The following MARCHF3 variants were observed in gnomAD, a reference collection of about 807,000 sequenced individuals.
The protein encoded by MARCHF3 is membrane associated ring-CH-type finger 3, also known as E3 ubiquitin-protein ligase MARCHF3.
MARCHF3 carries 13 observed loss-of-function variants against 24.2 expected under a neutral mutation model. The ratio of observed to expected loss-of-function variants is 0.54; its 90% CI spans 0.35 to 0.85. The LOEUF (loss-of-function observed/expected upper bound fraction) is 0.85. Among genes scored for constraint, MARCHF3 ranks in the 40% least tolerant of loss-of-function variants. The probability of loss-of-function intolerance (pLI) is 0.01; values close to 1 mark genes in which losing one functional copy is unlikely to be tolerated. For missense variants in MARCHF3, 276 were observed against 325.0 expected (o/e 0.85, Z 1.16); for synonymous variants, 144 against 137.3 (o/e 1.05, Z -0.34).
At chr5:126,983,386 T>C (rs138244829) in intron 1 of MARCHF3, among the ~76,000 whole-genome samples, 19 of 152,310 alleles carry the variant, frequency 1.2e-4, no homozygotes, top group South Asian at 4.1e-4. Flanking sequence ...CAGGCTTTCC[T>C]GAGTCTTTGA....
chr5:126,891,321 T>C (rs1224818715), intron 3 of MARCHF3, among the ~76,000 whole-genome samples: 2 of 141,310 alleles, frequency 1.4e-5, no homozygotes, highest in Non-Finnish European at 3.1e-5. Flanking sequence ...TTTTGGCTTT[T>C]GTTGCCATTG....
At chr5:127,018,146 A>G (rs1287885630) in intron 1 of MARCHF3, among the ~76,000 whole-genome samples, 2 of 152,186 alleles carry the variant, frequency 1.3e-5, no homozygotes, top group Admixed American at 1.3e-4. Context: ...CAAGGCGGGC[A>G]GATCACCTGA....
intron 1 of MARCHF3, among the ~76,000 whole-genome samples, chr5:126,989,913 C>G (rs1026800337): frequency 4.6e-5 from 7 of 152,132 alleles, no homozygotes; most frequent in African/African-American, 1.7e-4. Context: ...CACCTGAAGT[C>G]AGGAGTTTGA....
chr5:126,926,578 A>G (rs56786115), intron 1 of MARCHF3, among the ~76,000 whole-genome samples: 13,974 of 152,014 alleles, frequency 0.092, 1,424 homozygotes, highest in African/African-American at 0.25. Context: ...TTTCATGTAT[A>G]CTCTACAGAA....
At chr5:126,894,951 C>G (rs1054384485) in intron 3 of MARCHF3, among the ~76,000 whole-genome samples, 3 of 152,064 alleles carry the variant, frequency 2.0e-5, no homozygotes, top group African/African-American at 2.4e-5. Flanking sequence ...GTACACCAAT[C>G]AGATGTAGAT....
intron 1 of MARCHF3, among the ~76,000 whole-genome samples, chr5:126,933,276 A>G (rs562578300): frequency 1.3e-5 from 2 of 152,278 alleles, no homozygotes; most frequent in East Asian, 3.9e-4. Flanking sequence ...AAATACAACC[A>G]AAGCTAATCC....
chr5:126,971,095 T>C (rs975360659), intron 1 of MARCHF3, among the ~76,000 whole-genome samples: 4 of 152,182 alleles, frequency 2.6e-5, no homozygotes, highest in African/African-American at 9.7e-5. Flanking sequence ...ATTTATGTTC[T>C]TATAGCCATA....
chr5:126,958,777 T>G (rs1328615745), intron 1 of MARCHF3, among the ~76,000 whole-genome samples: 2 of 152,158 alleles, frequency 1.3e-5, no homozygotes, highest in African/African-American at 4.8e-5. Flanking sequence ...TGACTGATTT[T>G]TAAGTGTAAT....
intron 1 of MARCHF3, among the ~76,000 whole-genome samples, chr5:126,957,529 A>C (rs1750490104): frequency 6.6e-6 from 1 of 152,142 alleles, no homozygotes; most frequent in Admixed American, 6.5e-5. Context: ...TGATGTTAAA[A>C]AGTAACTTTC....
At chr5:126,906,762 A>T (rs1469191756) in intron 3 of MARCHF3, among the ~76,000 whole-genome samples, 2 of 152,128 alleles carry the variant, frequency 1.3e-5, no homozygotes, top group African/African-American at 4.8e-5. Flanking sequence ...TCCTTTCAAA[A>T]AACCAGCTCC....
chr5:126,990,188 C>A, intron 1 of MARCHF3, among the ~76,000 whole-genome samples: 1 of 150,142 alleles, frequency 6.7e-6, no homozygotes, highest in Non-Finnish European at 1.5e-5. Context: ...GGTACTGGTA[C>A]CAAAACAGAG....
chr5:126,870,802 G>A lies in MARCHF3; in HGVS notation c.604-11C>T, dbSNP rs755294366. On this transcript the variant is annotated splice_polypyrimidine_tract_variant and intron_variant, in intron 4 of 4. Coordinates refer to ENST00000308660, the MANE Select transcript of MARCHF3 (RefSeq NM_178450.5). ...GTACCTAAATGACACCTGGGGATGG[G>A]AGAGGAAAAGTAAGAGAAAAGAATT... The A allele has an allele frequency of 3.7e-6, 6 of 1,613,270 alleles. No homozygotes were observed. Among genetic ancestry groups the A allele is most frequent in the Non-Finnish European group, 5.1e-6 (6 of 1,179,350 alleles).
At chr5:126,999,913 C>G (rs1561466829) in intron 1 of MARCHF3, among the ~76,000 whole-genome samples, 2 of 151,858 alleles carry the variant, frequency 1.3e-5, no homozygotes, top group Non-Finnish European at 2.9e-5. Flanking sequence ...TCATTCTAAA[C>G]TTTATAGCTT....
In MARCHF3 at chr5:126,944,627, G is replaced by A. The variant is rs548982621; in HGVS notation, c.-56-26400C>T. Among the ~76,000 whole-genome samples, 11 of 152,156 alleles carry A rather than the reference G, an allele frequency of 7.2e-5. No homozygotes were observed. In the East Asian group the frequency reaches 1.7e-3, roughly 24 times the overall value. On this transcript the variant is annotated intron_variant, in intron 1 of 4. Transcript: ENST00000308660. ...ATAATCATGATCATCATCATCACCC[G>A]CTTTCACACCCTGAAGAGGTATGTT...
At chr5:126,927,431 G>A (rs1401654079) in intron 1 of MARCHF3, among the ~76,000 whole-genome samples, 1 of 151,860 alleles carries the variant, frequency 6.6e-6, no homozygotes, top group African/African-American at 2.4e-5. Flanking sequence ...ACCTCTTTAG[G>A]GAACCTCTGA....
At chr5:126,935,798 A>G (rs1041808729) in intron 1 of MARCHF3, among the ~76,000 whole-genome samples, 2 of 151,736 alleles carry the variant, frequency 1.3e-5, no homozygotes, top group African/African-American at 4.8e-5. Flanking sequence ...CTTAGTAGAG[A>G]CAGGGTTTCA....
chr5:126,943,443 T>C (rs1749900411), intron 1 of MARCHF3, among the ~76,000 whole-genome samples: 1 of 151,100 alleles, frequency 6.6e-6, no homozygotes, highest in African/African-American at 2.4e-5. Flanking sequence ...GTTAGCTGAG[T>C]GTGGTGGCAC....
At chr5:126,924,161 C>A (rs904737891) in intron 1 of MARCHF3, among the ~76,000 whole-genome samples, 4 of 152,124 alleles carry the variant, frequency 2.6e-5, no homozygotes, top group Non-Finnish European at 4.4e-5. Flanking sequence ...GGAAACCACC[C>A]GAGGCCCTAA....
At chr5:126,903,911 T>G (rs967977546) in intron 3 of MARCHF3, among the ~76,000 whole-genome samples, 1 of 151,482 alleles carries the variant, frequency 6.6e-6, no homozygotes, top group Non-Finnish European at 1.5e-5. Flanking sequence ...GCGCCGCACC[T>G]ACTAACTCGT....
Sources: gnomAD v4.1 joint callset for allele counts (sites outside exome capture counted in the v4.1 genomes callset) on GRCh38, gnomAD v4.1.1 for gene constraint, MANE v1.5 for transcripts, NCBI Gene and HGNC (gene_info 2026-07-23, HGNC 2026-07-21) for gene names.